Variants in HPRT1 observed in about 807,000 individuals in gnomAD.
HPRT1 encodes hypoxanthine-guanine phosphoribosyltransferase.
A neutral mutation model predicts 19.0 loss-of-function variants in HPRT1; 4 were observed. The ratio of observed to expected loss-of-function variants is 0.21; its 90% CI spans 0.10 to 0.48. The LOEUF (loss-of-function observed/expected upper bound fraction) is 0.48. Among genes scored for constraint, HPRT1 ranks in the 20% least tolerant of loss-of-function variants. HPRT1 has a pLI of 0.98. For missense variants in HPRT1, 65 were observed against 164.0 expected (o/e 0.40, Z 3.30); for synonymous variants, 53 against 54.9 (o/e 0.97, Z 0.15).
intron 3 of HPRT1, among the ~76,000 whole-genome samples, chrX:134,483,949 C>T (rs366687): frequency 3.6e-5 from 4 of 111,739 alleles, no homozygotes; most frequent in African/African-American, 1.3e-4. Context: ...GCAGGAGGAT[C>T]GCTTGAGTCC....
At chrX:134,490,128 T>C in intron 4 of HPRT1, 60 bp from the exon 5 acceptor site, 1 of 761,456 alleles carries the variant, frequency 1.3e-6, no homozygotes, top group South Asian at 2.3e-5. Context: ...GTGATTTGAC[T>C]TATAATTGGA....
At chrX:134,477,841 AT>A (rs17885587) in intron 3 of HPRT1, among the ~76,000 whole-genome samples, 15,623 of 108,515 alleles carry the variant, frequency 0.14, 1,098 homozygotes, top group African/African-American at 0.25. Context: ...TGGCTGGCTA[AT>A]TTTTTTTTAT....
At chrX:134,462,918 A>G (rs186584353) in intron 1 of HPRT1, among the ~76,000 whole-genome samples, 2 of 112,177 alleles carry the variant, frequency 1.8e-5, no homozygotes, top group African/African-American at 6.5e-5. Flanking sequence ...AGATTACCCA[A>G]CAATACTAGG....
intron 5 of HPRT1, 98 bp from the exon 6 acceptor site, chrX:134,493,410 C>T: frequency 1.7e-6 from 1 of 591,511 alleles, no homozygotes; most frequent in South Asian, 2.2e-5. Context: ...AATTACTGTG[C>T]TGAAAAGAAT....
intron 2 of HPRT1, among the ~76,000 whole-genome samples, chrX:134,473,725 A>C (rs1398185139): frequency 8.9e-6 from 1 of 112,020 alleles, no homozygotes; most frequent in Non-Finnish European, 1.9e-5. Context: ...CTCTAGCCAG[A>C]GTCTTGCATT....
At chrX:134,499,601 G>A (rs2077690106) in intron 8 of HPRT1, among the ~76,000 whole-genome samples, 1 of 111,255 alleles carries the variant, frequency 9.0e-6, no homozygotes, top group African/African-American at 3.3e-5. Flanking sequence ...TCAGGAGATC[G>A]AGACCATCCT....
At chrX:134,497,728 C>T (rs1048209508) in intron 6 of HPRT1, among the ~76,000 whole-genome samples, 2 of 111,063 alleles carry the variant, frequency 1.8e-5, no homozygotes, top group Non-Finnish European at 1.9e-5. Context: ...GGGCGGATCA[C>T]GAGGTCAGGA....
chrX:134,498,306 A>T, intron 6 of HPRT1, 84 bp from the exon 7 acceptor site: 1 of 756,391 alleles, frequency 1.3e-6, no homozygotes, highest in Admixed American at 2.2e-5. Flanking sequence ...ATGAAATGAA[A>T]CAGTGTTTAG....
At chrX:134,478,877 A>G (rs144321723) in intron 3 of HPRT1, among the ~76,000 whole-genome samples, 2,320 of 112,031 alleles carry the variant, frequency 0.021, 23 homozygotes, top group Non-Finnish European at 0.03. Flanking sequence ...ACTTAACACT[A>G]TTTTTCATAC....
chrX:134,491,068 A>G (rs1184503404), intron 5 of HPRT1, among the ~76,000 whole-genome samples: 3 of 105,253 alleles, frequency 2.9e-5, no homozygotes, highest in South Asian at 4.3e-4. Flanking sequence ...TATATAATCT[A>G]TAGATTATAT....
chrX:134,483,148 T>C (rs2077644259), intron 3 of HPRT1, among the ~76,000 whole-genome samples: 2 of 111,431 alleles, frequency 1.8e-5, no homozygotes, highest in South Asian at 7.7e-4. Context: ...AGTAATAGTC[T>C]CATCATGCCC....
At chrX:134,470,767 A>C (rs1240730114) in intron 1 of HPRT1, among the ~76,000 whole-genome samples, 1 of 110,406 alleles carries the variant, frequency 9.1e-6, no homozygotes, top group South Asian at 3.8e-4. Flanking sequence ...AAAAATATAT[A>C]TATTAAAGTG....
intron 1 of HPRT1, among the ~76,000 whole-genome samples, chrX:134,461,591 G>C (rs995826189): frequency 8.9e-6 from 1 of 112,125 alleles, no homozygotes; most frequent in Admixed American, 9.5e-5. Context: ...GAGTTATTGA[G>C]AGGATTATAA....
At chrX:134,494,937 A>G (rs1379390336) in intron 6 of HPRT1, among the ~76,000 whole-genome samples, 1 of 111,895 alleles carries the variant, frequency 8.9e-6, no homozygotes, top group Non-Finnish European at 1.9e-5. Context: ...GATCTTGCAT[A>G]CATTTCATGT....
At chrX:134,485,134 G>A (rs2077649656) in intron 3 of HPRT1, among the ~76,000 whole-genome samples, 1 of 112,461 alleles carries the variant, frequency 8.9e-6, no homozygotes, top group South Asian at 3.7e-4. Flanking sequence ...TCACCAACAA[G>A]AGTGCTTATT....
intron 1 of HPRT1, among the ~76,000 whole-genome samples, chrX:134,469,325 ATTTT>A (rs2077605137): frequency 9.0e-6 from 1 of 111,470 alleles, no homozygotes; most frequent in Admixed American, 9.7e-5. Flanking sequence ...GTATTGACAA[ATTTT>A]TTATGCTTAA....
intron 3 of HPRT1, among the ~76,000 whole-genome samples, chrX:134,482,606 G>A (rs780621740): frequency 2.7e-5 from 3 of 111,190 alleles, no homozygotes; most frequent in East Asian, 2.8e-4. Context: ...TGTGGCTACC[G>A]TATGGGACAG....
At chrX:134,485,775 C>G (rs1253055089) in intron 3 of HPRT1, among the ~76,000 whole-genome samples, 2 of 111,789 alleles carry the variant, frequency 1.8e-5, no homozygotes, top group African/African-American at 3.3e-5. Flanking sequence ...TGCTCTTTCA[C>G]CCAAATTTTC....
chrX:134,493,668 T>C (rs1298137250), intron 6 of HPRT1, 78 bp downstream of exon 6: 1 of 630,771 alleles, frequency 1.6e-6, no homozygotes. Context: ...TAAGGATAAA[T>C]GTTTTCAACT....
Sources: allele counts gnomAD v4.1 joint callset (sites outside exome capture counted in the v4.1 genomes callset), GRCh38; gene constraint gnomAD v4.1.1; transcripts MANE v1.5; gene names NCBI Gene and HGNC (gene_info 2026-07-23, HGNC 2026-07-21).